Variants in MYRIP observed in about 807,000 individuals in gnomAD.
MYRIP encodes myosin VIIA and Rab interacting protein, also known as rab effector MyRIP.
MYRIP carries 49 observed loss-of-function variants against 98.0 expected under a neutral mutation model. That is an observed-to-expected ratio of 0.50 (90% CI 0.40 to 0.63). The LOEUF (loss-of-function observed/expected upper bound fraction) is 0.63. Ranked by LOEUF, MYRIP falls within the 30% of genes least tolerant of loss-of-function variation. The pLI, the probability that MYRIP is intolerant of heterozygous loss-of-function variation, is 0.00. For synonymous variants in MYRIP, 404 were observed against 409.5 expected (o/e 0.99, Z 0.16); for missense variants, 1,004 against 1,058.2 (o/e 0.95, Z 0.71).
chr3:40,205,345 C>A (rs1350068301), intron 10 of MYRIP, among the ~76,000 whole-genome samples: 1 of 152,116 alleles, frequency 6.6e-6, no homozygotes, highest in Non-Finnish European at 1.5e-5. Flanking sequence ...GATCAATGAT[C>A]TTTTGGTTCT....
intron 1 of MYRIP, chr3:39,810,721 G>A (rs947946441): frequency 6.6e-6 from 1 of 152,214 alleles, no homozygotes; most frequent in African/African-American, 2.4e-5. Flanking sequence ...GCAGGGTAGG[G>A]GAATTTGTTC....
intron 2 of MYRIP, among the ~76,000 whole-genome samples, chr3:40,041,179 A>G (rs1575489009): frequency 1.4e-5 from 2 of 138,948 alleles, no homozygotes; most frequent in Non-Finnish European, 3.1e-5. Context: ...AGAAGGCATT[A>G]TGGAGTTAGG....
chr3:40,240,844 G>C (rs542377327), intron 12 of MYRIP, among the ~76,000 whole-genome samples: 34 of 152,290 alleles, frequency 2.2e-4, no homozygotes, highest in African/African-American at 7.5e-4. Context: ...GGCTGGAAGA[G>C]GAGAGTTTCA....
intron 3 of MYRIP, among the ~76,000 whole-genome samples, chr3:40,115,210 C>A (rs1373287801): frequency 6.6e-6 from 1 of 152,124 alleles, no homozygotes; most frequent in East Asian, 1.9e-4. Context: ...TTCCTACTCT[C>A]TGTGTGTATA....
Position 39,850,821 on chromosome 3 carries a change from A to G in MYRIP, c.-31+40905A>G, listed in dbSNP as rs75365430. On this transcript the variant is annotated intron_variant, in intron 1 of 16. Transcript: ENST00000302541. The stretch of plus-strand genomic sequence containing the variant: ...CAGAAGAAACGTACCAGACTTTTAC[A>G]TAGTAGAGAGAGCAAAGAGGATCAT... Among the ~76,000 whole-genome samples, 770 of 152,358 alleles carry G rather than the reference A, an allele frequency of 5.1e-3. 12 individuals are homozygous for G. Among genetic ancestry groups the G allele is most frequent in the African/African-American group, 0.018 (738 of 41,586 alleles).
chr3:39,816,031 C>T (rs969443861), intron 1 of MYRIP, among the ~76,000 whole-genome samples: 2 of 151,106 alleles, frequency 1.3e-5, no homozygotes, highest in Non-Finnish European at 2.9e-5. Context: ...GTTATATTTC[C>T]AAATGTAAAA....
At chr3:40,234,335 A>T (rs371141812) in intron 12 of MYRIP, among the ~76,000 whole-genome samples, 21 of 152,322 alleles carry the variant, frequency 1.4e-4, no homozygotes, top group African/African-American at 4.6e-4. Flanking sequence ...CAAGGACATG[A>T]TCTTACACAA....
chr3:40,159,398 C>G (rs573759197), intron 4 of MYRIP, among the ~76,000 whole-genome samples: 9 of 152,330 alleles, frequency 5.9e-5, no homozygotes, highest in African/African-American at 1.9e-4. Context: ...TTGAGGGTAA[C>G]TGGACCTTTC....
intron 2 of MYRIP, among the ~76,000 whole-genome samples, chr3:39,978,905 C>G (rs1022169048): frequency 3.3e-5 from 5 of 151,520 alleles, no homozygotes; most frequent in Non-Finnish European, 7.4e-5. Flanking sequence ...CATTTTTTCA[C>G]TTTCAACATG....
At chr3:39,965,854 T>A (rs901282671) in intron 2 of MYRIP, among the ~76,000 whole-genome samples, 1 of 152,204 alleles carries the variant, frequency 6.6e-6, no homozygotes, top group Non-Finnish European at 1.5e-5. Context: ...ATCACAAAAT[T>A]TAAATGAAAA....
intron 1 of MYRIP, among the ~76,000 whole-genome samples, chr3:39,821,716 T>C (rs1049207643): frequency 6.6e-6 from 1 of 152,114 alleles, no homozygotes; most frequent in Non-Finnish European, 1.5e-5. Context: ...TTCTTTGACT[T>C]ATGACTTATA....
intron 1 of MYRIP, among the ~76,000 whole-genome samples, chr3:39,846,814 G>A (rs6786065): frequency 0.64 from 96,635 of 152,042 alleles, 31,093 homozygotes; most frequent in African/African-American, 0.73. Context: ...GGTGAGTCCA[G>A]CATTTGCAGT....
At chr3:40,228,517 C>T (rs921919962) in intron 11 of MYRIP, among the ~76,000 whole-genome samples, 2 of 152,044 alleles carry the variant, frequency 1.3e-5, no homozygotes, top group East Asian at 1.9e-4. Context: ...GTCCCCTCGC[C>T]ACTGCCCCTG....
At chr3:40,031,099 G>T (rs531209422) in intron 2 of MYRIP, among the ~76,000 whole-genome samples, 1 of 152,154 alleles carries the variant, frequency 6.6e-6, no homozygotes, top group South Asian at 2.1e-4. Flanking sequence ...CAAAAGAAAT[G>T]TATTTCTCAC....
chr3:39,929,492 C>T (rs1251718476), intron 2 of MYRIP, among the ~76,000 whole-genome samples: 1 of 152,054 alleles, frequency 6.6e-6, no homozygotes, highest in Non-Finnish European at 1.5e-5. Context: ...TGTATAGCTA[C>T]AGTAATCACA....
intron 1 of MYRIP, among the ~76,000 whole-genome samples, chr3:39,846,305 A>G (rs1941963448): frequency 6.6e-6 from 1 of 152,084 alleles, no homozygotes; most frequent in African/African-American, 2.4e-5. Flanking sequence ...AATTTCCACA[A>G]GAATCCCAGG....
chr3:40,187,111 A>G (rs1951059059), intron 9 of MYRIP, among the ~76,000 whole-genome samples: 1 of 152,242 alleles, frequency 6.6e-6, no homozygotes, highest in Non-Finnish European at 1.5e-5. Context: ...ATGGGTGTTA[A>G]TTCATAACCA....
intron 2 of MYRIP, among the ~76,000 whole-genome samples, chr3:39,947,526 A>G (rs890194155): frequency 1.7e-4 from 26 of 152,320 alleles, no homozygotes; most frequent in African/African-American, 6.0e-4. Flanking sequence ...ATTAACATTT[A>G]CAAGAGAAAG....
chr3:40,072,014 T>C (rs1343350155), intron 3 of MYRIP, among the ~76,000 whole-genome samples: 1 of 152,044 alleles, frequency 6.6e-6, no homozygotes, highest in East Asian at 1.9e-4. Context: ...TGGCATGCCA[T>C]TCAAAGTCTG....
Sources: gnomAD v4.1 joint callset for allele counts (sites outside exome capture counted in the v4.1 genomes callset) on GRCh38, gnomAD v4.1.1 for gene constraint, MANE v1.5 for transcripts, NCBI Gene and HGNC (gene_info 2026-07-23, HGNC 2026-07-21) for gene names.